Variants in FRG1 observed in about 807,000 individuals in gnomAD.
FRG1 encodes the protein protein FRG1.
A neutral mutation model predicts 37.0 loss-of-function variants in FRG1; 19 were observed. The ratio of observed to expected loss-of-function variants is 0.51; its 90% confidence interval spans 0.36 to 0.75. The LOEUF (loss-of-function observed/expected upper bound fraction) is 0.75. Among genes scored for constraint, FRG1 ranks in the 30% least tolerant of loss-of-function variants. The probability of loss-of-function intolerance (pLI) is 0.00; values close to 1 mark genes in which losing one functional copy is unlikely to be tolerated. For synonymous variants in FRG1, 73 were observed against 96.5 expected, an observed-to-expected ratio of 0.76 and a Z score of 1.43; for missense variants, 243 against 301.4, an observed-to-expected ratio of 0.81 and a Z score of 1.44.
At chr4:189,945,210 C>G (rs1389008341) in intron 2 of FRG1, among the ~76,000 whole-genome samples, 1 of 152,150 alleles carries the variant, frequency 6.6e-6, no homozygotes, top group Non-Finnish European at 1.5e-5. Context: ...CTGTGACTAT[C>G]GTTTTACTTC....
Position 189,940,971 on chromosome 4 carries a change from A to G in FRG1, c.-39A>G, listed in dbSNP as rs4263440. 51,530 of 1,573,654 alleles carry G rather than the reference A, an allele frequency of 0.033. 8,241 individuals are homozygous for G. In the African/African-American group the frequency reaches 0.44, roughly 14 times the overall value. On this transcript the variant is annotated 5_prime_UTR_variant, in exon 1 of 9. Coordinates refer to ENST00000226798, the MANE Select transcript of FRG1 (RefSeq NM_004477.3). ...GCCCCGACTCACATACTCGTCCAGAACCGGCCTCAGCCTCTCCGCGCAGAA... is the reference window on the plus strand; with the variant it reads ...GCCCCGACTCACATACTCGTCCAGAGCCGGCCTCAGCCTCTCCGCGCAGAA...
At chr4:189,944,168 T>A (rs1389058944) in intron 2 of FRG1, among the ~76,000 whole-genome samples, 1 of 152,154 alleles carries the variant, frequency 6.6e-6, no homozygotes, top group African/African-American at 2.4e-5. Flanking sequence ...TTCTTAATGG[T>A]GGTTTTTGGA....
At chr4:189,951,045 G>A (rs1736731416) in intron 2 of FRG1, among the ~76,000 whole-genome samples, 2 of 152,034 alleles carry the variant, frequency 1.3e-5, no homozygotes, top group South Asian at 4.2e-4. Context: ...TTTAGGAGGA[G>A]GTTTGAGGAT....
In FRG1 at chr4:189,940,906, T is replaced by G; in HGVS notation, c.-104T>G. On this transcript the variant is annotated 5_prime_UTR_variant, in exon 1 of 9. Coordinates refer to ENST00000226798, the MANE Select transcript of FRG1 (RefSeq NM_004477.3). ...AGAGACGTAGGCTGTCAGGGAGTGT[T>G]TATTTCGCGTCCGCTTCTGTTTCTC... 1 of 833,642 alleles carries G rather than the reference T, an allele frequency of 1.2e-6. No individual in the cohort carries two copies. The highest frequency in any genetic ancestry group is 2.0e-6 in the Non-Finnish European group (1 of 509,642). The allele number at this position is 833,642 out of a possible 1,614,324, so 51.6% of individuals were successfully genotyped here. A position where few individuals can be genotyped will look rare whatever the true frequency, so the allele number is the denominator to read the frequency against.
At chr4:189,961,085 C>T (rs1396658906) in intron 7 of FRG1, 1 of 404,812 alleles carries the variant, frequency 2.5e-6, no homozygotes, top group East Asian at 4.9e-5. Flanking sequence ...AACTGATGGA[C>T]AAGAAGAGAC....
chr4:189,949,712 A>G (rs1483269740), intron 2 of FRG1, among the ~76,000 whole-genome samples: 1 of 152,220 alleles, frequency 6.6e-6, no homozygotes, highest in Non-Finnish European at 1.5e-5. Context: ...CACTGTTGAT[A>G]ATGATTCTGA....
At chr4:189,944,210 T>A (rs1196653889) in intron 2 of FRG1, among the ~76,000 whole-genome samples, 1 of 152,124 alleles carries the variant, frequency 6.6e-6, no homozygotes, top group African/African-American at 2.4e-5. Flanking sequence ...AAATTCTCAC[T>A]CTGTCTCCCA....
chr4:189,954,217 T>A (rs1378390403), intron 4 of FRG1, among the ~76,000 whole-genome samples: 1 of 151,996 alleles, frequency 6.6e-6, no homozygotes, highest in South Asian at 2.1e-4. Context: ...TAAAAAAAAA[T>A]GCGTGATACA....
intron 2 of FRG1, among the ~76,000 whole-genome samples, chr4:189,946,370 G>T (rs1419341325): frequency 1.3e-5 from 2 of 149,812 alleles, no homozygotes; most frequent in Non-Finnish European, 3.0e-5. Flanking sequence ...ATGAATTTGT[G>T]TTGGGCTGCA....
chr4:189,941,107 T>C, intron 1 of FRG1, 36 bp downstream of exon 1: 1 of 1,591,490 alleles, frequency 6.3e-7, no homozygotes, highest in Non-Finnish European at 8.6e-7. Flanking sequence ...CCTCCTCCGT[T>C]CTTTTCGGAC....
intron 2 of FRG1, among the ~76,000 whole-genome samples, chr4:189,950,145 C>T (rs1369743561): frequency 2.0e-5 from 3 of 152,114 alleles, no homozygotes; most frequent in Non-Finnish European, 4.4e-5. Flanking sequence ...TGATGTTGAG[C>T]GTCTTTTCAA....
Position 189,940,962 on chromosome 4 carries a change from TC to T in FRG1, c.-47del. Reference sequence around the variant, plus strand: ...CCCTGTGCTGCCCCGACTCACATACTCGTCCAGAACCGGCCTCAGCCTCTCC... The same window carrying T: ...CCCTGTGCTGCCCCGACTCACATACTGTCCAGAACCGGCCTCAGCCTCTCC... On this transcript the variant is annotated 5_prime_UTR_variant, in exon 1 of 9. Coordinates refer to ENST00000226798, the MANE Select transcript of FRG1 (RefSeq NM_004477.3). The T allele has an allele frequency of 6.6e-7, 1 of 1,514,228 alleles. No individual in the cohort carries two copies. Among genetic ancestry groups the T allele is most frequent in the Non-Finnish European group, 9.1e-7 (1 of 1,093,636 alleles). 93.8% of individuals were successfully genotyped at this position (1,514,228 alleles called of 1,614,324 possible).
In FRG1 at chr4:189,944,721, G is replaced by A. The variant is rs1180662488; in HGVS notation, c.133+1449G>A. 3.3e-5 allele frequency among the ~76,000 whole-genome samples: 5 copies of A among 151,948 alleles called. No homozygotes were observed. In the East Asian group the frequency reaches 9.7e-4, roughly 29 times the overall value. The stretch of plus-strand genomic sequence containing the variant: ...CATAAAAAATCAATTAACTTTCTAT[G>A]TATTGGTCTGTTTCTGGACTCTGTT... On this transcript the variant is annotated intron_variant, in intron 2 of 8. Transcript: ENST00000226798.
intron 5 of FRG1, among the ~76,000 whole-genome samples, chr4:189,956,061 C>T (rs1011218092): frequency 2.6e-5 from 4 of 152,148 alleles, no homozygotes; most frequent in African/African-American, 9.7e-5. Flanking sequence ...TATTTTGGCC[C>T]AACCCATTGA....
chr4:189,941,347 C>T (rs1409688408), intron 1 of FRG1, among the ~76,000 whole-genome samples: 1 of 152,220 alleles, frequency 6.6e-6, no homozygotes, highest in Non-Finnish European at 1.5e-5. Context: ...GGCATCTCTC[C>T]AGGCCTCTGC....
rs143046238 is a variant in FRG1, at chr4:189,945,243, T to A, written c.133+1971T>A. On this transcript the variant is annotated intron_variant, in intron 2 of 8. Coordinates refer to ENST00000226798, the MANE Select transcript of FRG1 (RefSeq NM_004477.3). ...TTCTTTCTTTCTAATCCTTTTGTCT[T>A]GTCTTTCTTTTTATTGGTTTATTAT... is the stretch of plus-strand genomic sequence containing the variant. 7.0e-3 allele frequency among the ~76,000 whole-genome samples: 1,067 copies of A among 152,330 alleles called. 10 individuals carry two copies. The highest frequency in any genetic ancestry group is 0.024 in the African/African-American group (1,005 of 41,582).
Position 189,952,174 on chromosome 4 carries a change from C to T in FRG1, c.146C>T (p.Thr49Ile). 1 of 1,586,918 alleles carries T rather than the reference C, an allele frequency of 6.3e-7. No homozygotes were observed. Among genetic ancestry groups the T allele is most frequent in the South Asian group, 1.2e-5 (1 of 85,840 alleles). Residue 49 changes from threonine (T) to isoleucine (I), a missense_variant, in exon 3 of 9, where the codon ACA becomes ATA. This residue lies in a region of FRG1 where 110 missense variants were observed against 102.2 expected (regional missense o/e 1.08). Coordinates refer to ENST00000226798, the MANE Select transcript of FRG1 (RefSeq NM_004477.3). Reference protein sequence around the residue: ...TQLDIVGIWWTVTNFGEISGT... With the variant: ...TQLDIVGIWWIVTNFGEISGT... ...TTTTATTTTTTAGGAATCTGGTGGA[C>T]AGTAACAAACTTTGGTGAAATTTCA...
intron 2 of FRG1, among the ~76,000 whole-genome samples, chr4:189,951,291 C>G (rs1479969913): frequency 6.6e-6 from 1 of 151,970 alleles, no homozygotes; most frequent in Non-Finnish European, 1.5e-5. Context: ...AGTTTGAGAC[C>G]AGCCTGGCCA....
In FRG1 at chr4:189,946,336, T is replaced by C. The variant is rs571746518; in HGVS notation, c.133+3064T>C. On this transcript the variant is annotated intron_variant, in intron 2 of 8. Coordinates refer to ENST00000226798, the MANE Select transcript of FRG1 (RefSeq NM_004477.3). ...CAAAAAAAAAAAAAAAGCAAAAAAA[T>C]CTCATAATATTTCAAGAAAGTTTAT... Among the ~76,000 whole-genome samples, 638 of 135,788 alleles carry C rather than the reference T, an allele frequency of 4.7e-3. 7 individuals are homozygous for C. Among genetic ancestry groups the C allele is most frequent in the African/African-American group, 0.016 (609 of 36,990 alleles). The allele number at this position is 135,788 out of a possible 152,430, so 89.1% of individuals were successfully genotyped here. A position where few individuals can be genotyped will look rare whatever the true frequency, so the allele number is the denominator to read the frequency against.
Sources: allele counts gnomAD v4.1 joint callset (sites outside exome capture counted in the v4.1 genomes callset), GRCh38; gene constraint gnomAD v4.1.1; regional missense constraint gnomAD v4.1.1; transcripts MANE v1.5; gene names NCBI Gene and HGNC (gene_info 2026-07-23, HGNC 2026-07-21).